Variants in CHRM3 observed in about 807,000 individuals in gnomAD.
CHRM3 encodes the protein cholinergic receptor muscarinic 3, also known as muscarinic acetylcholine receptor M3.
CHRM3 carries 11 observed loss-of-function variants against 41.8 expected under a neutral mutation model. The ratio of observed to expected loss-of-function variants is 0.26; its 90% confidence interval spans 0.17 to 0.44. CHRM3 has a LOEUF of 0.44. Among genes scored for constraint, CHRM3 ranks in the 20% least tolerant of loss-of-function variants. The pLI, the probability that CHRM3 is intolerant of heterozygous loss-of-function variation, is 1.00. For missense variants in CHRM3, 571 were observed against 745.4 expected, an observed-to-expected ratio of 0.77 and a Z score of 2.72; for synonymous variants, 297 against 301.4, an observed-to-expected ratio of 0.99 and a Z score of 0.15.
intron 1 of CHRM3, among the ~76,000 whole-genome samples, chr1:239,404,350 GAGAAAGAAAGAAAGAAAGAA>G (rs1178581793): frequency 0.012 from 810 of 68,716 alleles, 16 homozygotes; most frequent in Non-Finnish European, 0.017. Flanking sequence ...GAAAGAGAAA[GAGAAAGAAAGAAAGAAAGAA>G]AGAAAGAAAG....
At chr1:239,390,300 C>T (rs1046212646) in intron 1 of CHRM3, among the ~76,000 whole-genome samples, 1 of 152,118 alleles carries the variant, frequency 6.6e-6, no homozygotes, top group Non-Finnish European at 1.5e-5. Flanking sequence ...TCAGCAAGTC[C>T]AGCAGAAGCC....
chr1:239,469,357 G>A (rs1342200225), intron 1 of CHRM3, among the ~76,000 whole-genome samples: 1 of 152,132 alleles, frequency 6.6e-6, no homozygotes, highest in Admixed American at 6.5e-5. Context: ...GTTGGACTGT[G>A]AGCTCCCAAA....
chr1:239,838,774 G>T (rs1673541176), intron 6 of CHRM3, among the ~76,000 whole-genome samples: 1 of 152,094 alleles, frequency 6.6e-6, no homozygotes, highest in Admixed American at 6.5e-5. Flanking sequence ...AAAATGTTAT[G>T]GACCCTTTGA....
intron 3 of CHRM3, among the ~76,000 whole-genome samples, chr1:239,587,395 A>C (rs1663538784): frequency 6.6e-6 from 1 of 152,200 alleles, no homozygotes; most frequent in South Asian, 2.1e-4. Flanking sequence ...ATATGGTAGC[A>C]AGAGAGATAT....
intron 3 of CHRM3, among the ~76,000 whole-genome samples, chr1:239,567,044 A>C (rs890691167): frequency 2.0e-5 from 3 of 152,222 alleles, no homozygotes; most frequent in African/African-American, 7.2e-5. Context: ...AGATTTTATA[A>C]TTATCTCAAG....
intron 1 of CHRM3, among the ~76,000 whole-genome samples, chr1:239,488,423 G>A (rs949644888): frequency 6.6e-6 from 1 of 151,906 alleles, no homozygotes; most frequent in African/African-American, 2.4e-5. Context: ...AATTAAAAAG[G>A]AATTAGATGG....
Position 239,693,608 on chromosome 1 carries a change from A to T in CHRM3, c.-147+15320A>T, listed in dbSNP as rs371769597. The stretch of plus-strand genomic sequence containing the variant: ...ACTGTCATAATTATATTATTTTTGA[A>T]TTGGTTTAATTAGAAGAAACCTTAG... On this transcript the variant is annotated intron_variant, in intron 5 of 6. Coordinates refer to ENST00000676153, the MANE Select transcript of CHRM3 (RefSeq NM_001375978.1). 2.8e-4 allele frequency among the ~76,000 whole-genome samples: 42 copies of T among 152,288 alleles called. No individual in the cohort carries two copies. In the South Asian group the frequency reaches 8.5e-3, roughly 31 times the overall value.
At chr1:239,797,220 G>T (rs1054380042) in intron 5 of CHRM3, among the ~76,000 whole-genome samples, 1 of 152,032 alleles carries the variant, frequency 6.6e-6, no homozygotes. Flanking sequence ...GAAAGGAGGG[G>T]GCAAGGGCTA....
intron 1 of CHRM3, among the ~76,000 whole-genome samples, chr1:239,449,911 G>A (rs1361216383): frequency 6.6e-6 from 1 of 152,086 alleles, no homozygotes; most frequent in African/African-American, 2.4e-5. Context: ...AATTACTGGG[G>A]GTTGAGTTCC....
intron 3 of CHRM3, among the ~76,000 whole-genome samples, chr1:239,553,622 C>T (rs964951727): frequency 2.6e-5 from 4 of 152,138 alleles, no homozygotes; most frequent in African/African-American, 9.7e-5. Flanking sequence ...ACAGTGGGGA[C>T]TAGGATTCTT....
At chr1:239,425,242 A>G (rs1443676514) in intron 1 of CHRM3, among the ~76,000 whole-genome samples, 2 of 152,198 alleles carry the variant, frequency 1.3e-5, no homozygotes, top group African/African-American at 4.8e-5. Context: ...ACCTATGCTC[A>G]TTGACATCTC....
chr1:239,395,916 G>A (rs1659437414), intron 1 of CHRM3, among the ~76,000 whole-genome samples: 1 of 152,142 alleles, frequency 6.6e-6, no homozygotes, highest in South Asian at 2.1e-4. Context: ...GTTGAATAAA[G>A]ACTAAATGTC....
At chr1:239,685,608 A>G (rs1429449468) in intron 5 of CHRM3, among the ~76,000 whole-genome samples, 1 of 152,114 alleles carries the variant, frequency 6.6e-6, no homozygotes, top group Admixed American at 6.6e-5. Flanking sequence ...AGATCACCTG[A>G]GGTCAGGAAT....
intron 5 of CHRM3, among the ~76,000 whole-genome samples, chr1:239,825,409 G>C (rs1027662986): frequency 6.6e-6 from 1 of 152,068 alleles, no homozygotes; most frequent in East Asian, 1.9e-4. Flanking sequence ...TGAAAGTGCC[G>C]CTCAACAATT....
intron 4 of CHRM3, among the ~76,000 whole-genome samples, chr1:239,637,724 T>G (rs535484040): frequency 2.0e-3 from 297 of 146,594 alleles, no homozygotes; most frequent in Middle Eastern, 7.0e-3. Context: ...TTTTTTTTTT[T>G]GGGGAATTTG....
chr1:239,464,216 GT>G (rs1348189465), intron 1 of CHRM3, among the ~76,000 whole-genome samples: 2 of 150,194 alleles, frequency 1.3e-5, no homozygotes, highest in Non-Finnish European at 3.0e-5. Flanking sequence ...GGAAGCAGCA[GT>G]TGCAGTGAAC....
chr1:239,610,183 ACT>A (rs1466830085), intron 3 of CHRM3, among the ~76,000 whole-genome samples: 2 of 73,568 alleles, frequency 2.7e-5, no homozygotes, highest in African/African-American at 1.0e-4. Flanking sequence ...ACAGAGCAAG[ACT>A]CTGTCAAAAA....
intron 2 of CHRM3, among the ~76,000 whole-genome samples, chr1:239,541,657 G>A (rs191605529): frequency 2.6e-5 from 4 of 152,022 alleles, no homozygotes; most frequent in African/African-American, 2.4e-5. Flanking sequence ...GACTACAGGC[G>A]TGTGCCACTG....
chr1:239,631,310 C>G (rs1243761381), intron 3 of CHRM3, among the ~76,000 whole-genome samples: 1 of 152,194 alleles, frequency 6.6e-6, no homozygotes, highest in Non-Finnish European at 1.5e-5. Context: ...CACTAGGCTC[C>G]TCTCTCACTT....
Sources: gnomAD v4.1 joint callset for allele counts (sites outside exome capture counted in the v4.1 genomes callset) on GRCh38, gnomAD v4.1.1 for gene constraint, MANE v1.5 for transcripts, NCBI Gene and HGNC (gene_info 2026-07-23, HGNC 2026-07-21) for gene names.